MACROD2: variants seen among roughly 807,000 people sequenced by gnomAD.
MACROD2 encodes mono-ADP ribosylhydrolase 2.
In MACROD2, 36 loss-of-function variants were observed where a neutral mutation model predicts 70.4. The ratio of observed to expected loss-of-function variants is 0.51; its 90% CI spans 0.39 to 0.68. MACROD2 has a LOEUF of 0.68. MACROD2 is among the 30% of genes least tolerant of loss of function. The pLI is 0.00. For missense variants in MACROD2, 496 were observed against 538.4 expected, an observed-to-expected ratio of 0.92 and a Z score of 0.78; for synonymous variants, 172 against 178.8, an observed-to-expected ratio of 0.96 and a Z score of 0.30.
At chr20:14,580,607 C>T (rs1007735013) in intron 4 of MACROD2, among the ~76,000 whole-genome samples, 1 of 152,164 alleles carries the variant, frequency 6.6e-6, no homozygotes, top group Non-Finnish European at 1.5e-5. Context: ...GCTGTGTAAA[C>T]AAATGCTGGC....
chr20:14,249,128 GTT>G lies in MACROD2; in HGVS notation c.271+163421_271+163422del, dbSNP rs1173672516. 2.8e-3 allele frequency among the ~76,000 whole-genome samples: 293 copies of G among 103,016 alleles called. 1 individual carries two copies. The highest frequency in any genetic ancestry group is 3.3e-3 in the Non-Finnish European group (176 of 53,456). The allele number at this position is 103,016 out of a possible 152,430, so 67.6% of individuals were successfully genotyped here. A position where few individuals can be genotyped will look rare whatever the true frequency, so the allele number is the denominator to read the frequency against. On this transcript the variant is annotated intron_variant, in intron 3 of 17. Coordinates refer to ENST00000684519, the MANE Select transcript of MACROD2 (RefSeq NM_001351661.2). Reference sequence around the variant, plus strand: ...GGTATTCTTTTCTATGATTTCAAAGGTTTTTTTTTTTTTTTTTTTTTTGGTAG... The same window carrying G: ...GGTATTCTTTTCTATGATTTCAAAGGTTTTTTTTTTTTTTTTTTTTGGTAG...
intron 16 of MACROD2, among the ~76,000 whole-genome samples, chr20:16,043,164 A>C (rs2067330569): frequency 6.6e-6 from 1 of 152,078 alleles, no homozygotes; most frequent in Admixed American, 6.6e-5. Context: ...GAATACTTCA[A>C]GCATGCTCTG....
intron 4 of MACROD2, among the ~76,000 whole-genome samples, chr20:14,578,534 AAAT>A (rs1980772003): frequency 6.6e-6 from 1 of 152,318 alleles, no homozygotes; most frequent in East Asian, 1.9e-4. Flanking sequence ...GCTTTTTAAC[AAAT>A]AATAACTCAG....
intron 8 of MACROD2, among the ~76,000 whole-genome samples, chr20:15,555,828 C>CAAAAAA (rs397838341): frequency 6.5e-3 from 118 of 18,262 alleles, no homozygotes; most frequent in Non-Finnish European, 8.2e-3. Flanking sequence ...GACTCCATCT[C>CAAAAAA]AAAAAAAAAA....
At chr20:14,537,135 T>C (rs1358965237) in intron 4 of MACROD2, among the ~76,000 whole-genome samples, 2 of 152,114 alleles carry the variant, frequency 1.3e-5, no homozygotes, top group African/African-American at 4.8e-5. Flanking sequence ...GGTTGGAAAA[T>C]GTTACTTCAT....
At chr20:14,546,185 A>G (rs905073470) in intron 4 of MACROD2, among the ~76,000 whole-genome samples, 3 of 152,182 alleles carry the variant, frequency 2.0e-5, no homozygotes, top group African/African-American at 4.8e-5. Flanking sequence ...TTGAAACTCT[A>G]TGTAAATATA....
At chr20:15,591,949 T>G (rs1342500375) in intron 8 of MACROD2, among the ~76,000 whole-genome samples, 1 of 152,226 alleles carries the variant, frequency 6.6e-6, no homozygotes, top group Admixed American at 6.5e-5. Flanking sequence ...AGTGAACATT[T>G]GAAAGATGGC....
intron 7 of MACROD2, among the ~76,000 whole-genome samples, chr20:15,457,083 A>G (rs370890079): frequency 0.04 from 5,938 of 147,034 alleles, 205 homozygotes; most frequent in Non-Finnish European, 0.058. Flanking sequence ...TTTAAAAAAA[A>G]AGCATTTGAC....
intron 4 of MACROD2, among the ~76,000 whole-genome samples, chr20:14,516,324 A>G (rs920650954): frequency 6.6e-6 from 1 of 152,164 alleles, no homozygotes; most frequent in South Asian, 2.1e-4. Context: ...CCATTTGTCA[A>G]TTTTGGCTTT....
At chr20:15,351,129 G>C (rs2078222619) in intron 6 of MACROD2, among the ~76,000 whole-genome samples, 1 of 150,372 alleles carries the variant, frequency 6.7e-6, no homozygotes, top group Non-Finnish European at 1.5e-5. Context: ...GGGGGTGGGG[G>C]CAGTGGTACA....
intron 6 of MACROD2, among the ~76,000 whole-genome samples, chr20:15,298,201 T>C (rs2077608891): frequency 6.6e-6 from 1 of 152,350 alleles, no homozygotes; most frequent in African/African-American, 2.4e-5. Context: ...TTTCTTCCTC[T>C]GTAAAATGAG....
chr20:14,042,070 G>A (rs1376471044), intron 2 of MACROD2, among the ~76,000 whole-genome samples: 1 of 152,134 alleles, frequency 6.6e-6, no homozygotes, highest in Non-Finnish European at 1.5e-5. Context: ...ATAGCTCAGA[G>A]ATAATAGTTT....
chr20:14,853,748 G>C (rs2073224016), intron 5 of MACROD2, among the ~76,000 whole-genome samples: 3 of 152,258 alleles, frequency 2.0e-5, no homozygotes, highest in Non-Finnish European at 4.4e-5. Context: ...TGTGGTGGTG[G>C]CCAAGTATTT....
intron 5 of MACROD2, among the ~76,000 whole-genome samples, chr20:15,161,135 C>T (rs1387431865): frequency 6.6e-6 from 1 of 151,942 alleles, no homozygotes; most frequent in Non-Finnish European, 1.5e-5. Context: ...CTCTGAGTCT[C>T]AGTTTCTACA....
chr20:15,331,619 A>C (rs1035089687), intron 6 of MACROD2, among the ~76,000 whole-genome samples: 3 of 151,770 alleles, frequency 2.0e-5, no homozygotes, highest in Non-Finnish European at 4.4e-5. Context: ...ATAAAACTTT[A>C]TTTGGTCAGT....
chr20:14,219,960 G>A (rs986983050), intron 3 of MACROD2, among the ~76,000 whole-genome samples: 1 of 152,170 alleles, frequency 6.6e-6, no homozygotes, highest in Non-Finnish European at 1.5e-5. Context: ...ACTCTGTGAG[G>A]CTTCTTAGCA....
chr20:14,464,866 G>T (rs1191949010), intron 3 of MACROD2, among the ~76,000 whole-genome samples: 1 of 152,044 alleles, frequency 6.6e-6, no homozygotes, highest in Non-Finnish European at 1.5e-5. Flanking sequence ...TCTTAATCCT[G>T]AGTTGTAGTT....
At chr20:15,156,037 T>C (rs1305762777) in intron 5 of MACROD2, among the ~76,000 whole-genome samples, 2 of 152,214 alleles carry the variant, frequency 1.3e-5, no homozygotes, top group African/African-American at 2.4e-5. Flanking sequence ...TGACATTTGC[T>C]GCTTTGATAA....
At chr20:14,082,723 A>G (rs1232978649) in intron 2 of MACROD2, among the ~76,000 whole-genome samples, 1 of 151,860 alleles carries the variant, frequency 6.6e-6, no homozygotes, top group Admixed American at 6.6e-5. Context: ...TAAGTCTGTC[A>G]ATTTAATGCC....
Sources: gnomAD v4.1 joint callset for allele counts (sites outside exome capture counted in the v4.1 genomes callset) on GRCh38, gnomAD v4.1.1 for gene constraint, MANE v1.5 for transcripts, NCBI Gene and HGNC (gene_info 2026-07-23, HGNC 2026-07-21) for gene names.